CHD9: variants seen among roughly 807,000 people sequenced by gnomAD.
CHD9 encodes ATP-dependent chromatin remodeler CHD9.
Under a neutral mutation model 316.1 loss-of-function variants are expected in CHD9, and 77 were observed. That is an observed-to-expected ratio of 0.24 (90% CI 0.20 to 0.29). The LOEUF (loss-of-function observed/expected upper bound fraction) is 0.29, where lower values mean the gene tolerates loss of function less well. CHD9 is among the 10% of genes least tolerant of loss of function. The pLI is 1.00. For synonymous variants in CHD9, 1,129 were observed against 1,158.3 expected (o/e 0.97, Z 0.51); for missense variants, 2,763 against 3,438.1 (o/e 0.80, Z 4.91).
chr16:53,214,730 G>T lies in CHD9; in HGVS notation c.1784+4917G>T, dbSNP rs1433465177. Among the ~76,000 whole-genome samples the T allele has an allele frequency of 2.0e-5, 3 of 151,932 alleles. No individual in the cohort carries two copies. The East Asian group carries it at 5.8e-4, about 29-fold the overall frequency. ...ACCTTTATATGAATCATGCTAGTAA[G>T]GTTTATCATTGACAAATAGATGTAC... On this transcript the variant is annotated intron_variant, in intron 3 of 38. Transcript: ENST00000447540.
rs756943119 is a variant in CHD9 at position 53,286,261 on chromosome 16, G to A, written c.5107G>A (p.Ala1703Thr). The A allele has an allele frequency of 6.8e-6, 11 of 1,612,506 alleles. No homozygotes were observed. Among genetic ancestry groups the A allele is most frequent in the Non-Finnish European group, 9.3e-6 (11 of 1,178,656 alleles). Residue 1703 changes from alanine to threonine, a missense_variant, in exon 26 of 39, where the codon GCA (alanine) becomes ACA (threonine). Ala to Thr is a moderately conservative substitution (Grantham distance 58, BLOSUM62 0). Around this residue, in one of 15 missense-constraint regions of CHD9, gnomAD observed 183 missense variants for 258.5 expected, o/e 0.71. Coordinates refer to ENST00000447540, the MANE Select transcript of CHD9 (RefSeq NM_001308319.2). ...ATATAACACTATTCGAGCAGACCCAGCATTATGCTTCTTGGAAAGAGTGGG... is the reference window on the plus strand; with the variant it reads ...ATATAACACTATTCGAGCAGACCCAACATTATGCTTCTTGGAAAGAGTGGG... The part of the protein sequence containing the change: ...EKYNTIRADP[A>T]LCFLERVGKP...
At chr16:53,258,976 T>C (rs1029668022) in intron 19 of CHD9, among the ~76,000 whole-genome samples, 2 of 152,228 alleles carry the variant, frequency 1.3e-5, no homozygotes, top group African/African-American at 4.8e-5. Context: ...CTTCTGCCTT[T>C]CTGCCACTGT....
At chr16:53,093,954 T>C (rs1171482293) in intron 1 of CHD9, among the ~76,000 whole-genome samples, 2 of 152,194 alleles carry the variant, frequency 1.3e-5, no homozygotes, top group Admixed American at 1.3e-4. Context: ...GTTCTGTCCA[T>C]GAAGTCTGTC....
intron 2 of CHD9, among the ~76,000 whole-genome samples, chr16:53,174,622 T>C (rs2042983695): frequency 6.6e-6 from 1 of 152,158 alleles, no homozygotes; most frequent in African/African-American, 2.4e-5. Context: ...AATTAATTAA[T>C]TTTTAAGACA....
At chr16:53,291,029 T>C (rs2054289315) in intron 27 of CHD9, among the ~76,000 whole-genome samples, 1 of 151,996 alleles carries the variant, frequency 6.6e-6, no homozygotes, top group African/African-American at 2.4e-5. Context: ...AGAAATAAAA[T>C]AAGTCTTGGC....
chr16:53,310,645 C>T (rs1225895386), intron 34 of CHD9, among the ~76,000 whole-genome samples: 3 of 150,224 alleles, frequency 2.0e-5, no homozygotes, highest in Admixed American at 1.3e-4. Flanking sequence ...GTCAGGAGTT[C>T]GAGACCAGCC....
At chr16:53,218,819 G>A (rs147171974) in intron 3 of CHD9, among the ~76,000 whole-genome samples, 3 of 152,218 alleles carry the variant, frequency 2.0e-5, no homozygotes, top group Non-Finnish European at 4.4e-5. Flanking sequence ...TACACTCTCC[G>A]TGTGTTGTTC....
rs530552464 is a variant in CHD9, at chr16:53,204,023, CAAAAAAAAAAAAAAA to C, written c.1453-5447_1453-5433del. 2.3e-4 allele frequency among the ~76,000 whole-genome samples: 11 copies of C among 48,346 alleles called. 2 individuals carry two copies. The highest frequency in any genetic ancestry group is 1.1e-3 in the South Asian group (1 of 924). The allele number at this position is 48,346 out of a possible 152,430, so 31.7% of individuals were successfully genotyped here. A position where few individuals can be genotyped will look rare whatever the true frequency, so the allele number is the denominator to read the frequency against. On this transcript the variant is annotated intron_variant, in intron 2 of 38. Coordinates refer to ENST00000447540, the MANE Select transcript of CHD9 (RefSeq NM_001308319.2). ...TGGGCGACAGAGCAAGACTCCATCT[CAAAAAAAAAAAAAAA>C]AAAAAAAAAAATATATATATACACA...
At chr16:53,323,666 T>C (rs1245160187) in intron 38 of CHD9, among the ~76,000 whole-genome samples, 1 of 152,222 alleles carries the variant, frequency 6.6e-6, no homozygotes, top group African/African-American at 2.4e-5. Flanking sequence ...TTCTTTGGTC[T>C]TCTAGGACAA....
At chr16:53,278,529 G>T (rs531433745) in intron 24 of CHD9, among the ~76,000 whole-genome samples, 2 of 152,290 alleles carry the variant, frequency 1.3e-5, no homozygotes, top group South Asian at 4.1e-4. Context: ...TCAACAAATG[G>T]TGCTGGGATA....
intron 1 of CHD9, among the ~76,000 whole-genome samples, chr16:53,146,513 T>G (rs1488865852): frequency 1.4e-5 from 2 of 147,478 alleles, no homozygotes; most frequent in Non-Finnish European, 3.0e-5. Flanking sequence ...TTAAAAATGG[T>G]GAGGATGGAC....
At chr16:53,101,260 AT>A (rs1250194358) in intron 1 of CHD9, among the ~76,000 whole-genome samples, 1 of 141,804 alleles carries the variant, frequency 7.1e-6, no homozygotes, top group East Asian at 2.1e-4. Context: ...CCAATCTCAC[AT>A]TTTTTCCTTT....
At chr16:53,151,974 G>C (rs2041157917) in intron 1 of CHD9, among the ~76,000 whole-genome samples, 1 of 151,550 alleles carries the variant, frequency 6.6e-6, no homozygotes, top group Non-Finnish European at 1.5e-5. Context: ...GGGTATGTGT[G>C]TGTGTGTGTG....
At chr16:53,057,199 G>T (rs903520260) in intron 1 of CHD9, among the ~76,000 whole-genome samples, 3 of 151,778 alleles carry the variant, frequency 2.0e-5, no homozygotes, top group Non-Finnish European at 4.4e-5. Context: ...GTTTGTGGCC[G>T]GGTGTGGTGG....
intron 2 of CHD9, among the ~76,000 whole-genome samples, chr16:53,199,822 A>C (rs1022815118): frequency 5.3e-5 from 8 of 152,258 alleles, no homozygotes; most frequent in African/African-American, 1.9e-4. Context: ...AAAATAAGGA[A>C]GTGCTTGAAA....
intron 19 of CHD9, among the ~76,000 whole-genome samples, chr16:53,262,625 G>C (rs760452943): frequency 6.6e-6 from 1 of 152,082 alleles, no homozygotes; most frequent in South Asian, 2.1e-4. Context: ...ACTCTGTAGT[G>C]CAGGCAGGTT....
chr16:53,253,200 C>T lies in CHD9; in HGVS notation c.3862-1238C>T, dbSNP rs866009861. ...AAAGAAACTGTGGTGGGTATATGTG[C>T]GTGTGTGGTGTGTATATATGTGTGT... On this transcript the variant is annotated intron_variant, in intron 17 of 38. Transcript: ENST00000447540. 6.1e-5 allele frequency among the ~76,000 whole-genome samples: 9 copies of T among 148,650 alleles called. No homozygotes were observed. The South Asian group carries it at 6.4e-4, about 11-fold the overall frequency.
At chr16:53,243,486 T>C (rs538214736) in intron 13 of CHD9, among the ~76,000 whole-genome samples, 10 of 152,310 alleles carry the variant, frequency 6.6e-5, no homozygotes, top group Admixed American at 5.2e-4. Context: ...GCTAATTTTG[T>C]ATTTTTAGTA....
In CHD9 at chr16:53,219,506, C is replaced by T. The variant is rs150832870; in HGVS notation, c.1785-3138C>T. ...TCCTACGGAAAACTAACATTCAAGG[C>T]GTAGATGCAGGAAGAAGAGCCAAAA... is the stretch of plus-strand genomic sequence containing the variant. On this transcript the variant is annotated intron_variant, in intron 3 of 38. Transcript: ENST00000447540. Among the ~76,000 whole-genome samples the T allele has an allele frequency of 8.5e-5, 13 of 152,076 alleles. No individual in the cohort carries two copies. The East Asian group carries it at 1.9e-3, about 23-fold the overall frequency.
Sources: allele counts gnomAD v4.1 joint callset (sites outside exome capture counted in the v4.1 genomes callset), GRCh38; gene constraint gnomAD v4.1.1; regional missense constraint gnomAD v4.1.1; transcripts MANE v1.5; gene names NCBI Gene and HGNC (gene_info 2026-07-23, HGNC 2026-07-21).